The following ANO1 variants were observed in gnomAD, a reference collection of about 807,000 sequenced individuals.
ANO1 encodes anoctamin 1, also known as anoctamin-1.
ANO1 carries 59 observed loss-of-function variants against 124.0 expected under a neutral mutation model. The observed-to-expected ratio is 0.48, with a 90% CI of 0.39 to 0.59. The LOEUF (loss-of-function observed/expected upper bound fraction) is 0.59. Ranked by LOEUF, ANO1 falls within the 20% of genes least tolerant of loss-of-function variation. The probability of loss-of-function intolerance (pLI) is 0.00; values close to 1 mark genes in which losing one functional copy is unlikely to be tolerated. For synonymous variants in ANO1, 529 were observed against 532.0 expected, an observed-to-expected ratio of 0.99 and a Z score of 0.08; for missense variants, 1,059 against 1,328.0, an observed-to-expected ratio of 0.80 and a Z score of 3.15.
chr11:70,091,092 A>G (rs1169538183), intron 2 of ANO1, among the ~76,000 whole-genome samples: 1 of 152,200 alleles, frequency 6.6e-6, no homozygotes, highest in Non-Finnish European at 1.5e-5. Flanking sequence ...CTGCTTGGGC[A>G]CACGCAGCGT....
At chr11:70,023,646 A>T (rs550139952) in intron 1 of ANO1, among the ~76,000 whole-genome samples, 2 of 152,324 alleles carry the variant, frequency 1.3e-5, no homozygotes, top group Non-Finnish European at 2.9e-5. Context: ...TCATGCTCAC[A>T]CTGCAAGGCT....
chr11:70,072,018 T>C (rs183883848), intron 1 of ANO1, among the ~76,000 whole-genome samples: 9 of 152,330 alleles, frequency 5.9e-5, no homozygotes, highest in African/African-American at 1.9e-4. Flanking sequence ...ATTTTTACTC[T>C]TGTTAGCGTG....
intron 16 of ANO1, among the ~76,000 whole-genome samples, chr11:70,157,846 C>T (rs1213443734): frequency 2.6e-5 from 4 of 151,774 alleles, no homozygotes; most frequent in East Asian, 1.9e-4. Context: ...CTGGCGTGGT[C>T]GTGCGCGCCT....
chr11:70,069,504 C>T (rs143814346), intron 1 of ANO1, among the ~76,000 whole-genome samples: 16 of 152,332 alleles, frequency 1.1e-4, no homozygotes, highest in African/African-American at 3.8e-4. Context: ...CTGTTTAACA[C>T]AGAGGATCTG....
At chr11:70,130,252 T>A (rs2135516488) in intron 10 of ANO1, among the ~76,000 whole-genome samples, 1 of 152,276 alleles carries the variant, frequency 6.6e-6, no homozygotes, top group Non-Finnish European at 1.5e-5. Flanking sequence ...TTCTGACCCC[T>A]CCTCATTTTC....
chr11:70,160,219 A>G (rs1228559060), intron 16 of ANO1, among the ~76,000 whole-genome samples: 1 of 152,104 alleles, frequency 6.6e-6, no homozygotes, highest in Admixed American at 6.5e-5. Flanking sequence ...ACACAGGGTG[A>G]CAAGACAGCC....
At chr11:70,022,617 A>AG (rs1555002725) in intron 1 of ANO1, among the ~76,000 whole-genome samples, 1 of 151,348 alleles carries the variant, frequency 6.6e-6, no homozygotes, top group East Asian at 1.9e-4. Flanking sequence ...AAAAAAAAAA[A>AG]GAATGCAAGA....
chr11:70,109,469 T>A (rs1380351796), intron 6 of ANO1, among the ~76,000 whole-genome samples: 1 of 151,814 alleles, frequency 6.6e-6, no homozygotes, highest in Non-Finnish European at 1.5e-5. Flanking sequence ...GCAAGGGGAG[T>A]GTGGAGGAGT....
At chr11:70,149,907 T>C (rs1565251373) in intron 12 of ANO1, 115 bp downstream of exon 12, 8 of 1,211,846 alleles carry the variant, frequency 6.6e-6, no homozygotes, top group South Asian at 1.3e-5. Context: ...TGGTCCAAGC[T>C]GAGGCAAGGC....
chr11:70,033,896 A>G (rs1857050229), intron 1 of ANO1, among the ~76,000 whole-genome samples: 1 of 152,096 alleles, frequency 6.6e-6, no homozygotes, highest in East Asian at 1.9e-4. Flanking sequence ...CATCTTGAAC[A>G]TCTGCTGTCA....
intron 1 of ANO1, among the ~76,000 whole-genome samples, chr11:70,070,889 G>A (rs1857856457): frequency 1.3e-5 from 2 of 152,202 alleles, no homozygotes; most frequent in Admixed American, 6.5e-5. Context: ...TGGAACCCCT[G>A]CCCAGAACTG....
At chr11:70,029,777 G>A (rs1026599194) in intron 1 of ANO1, among the ~76,000 whole-genome samples, 3 of 152,280 alleles carry the variant, frequency 2.0e-5, no homozygotes, top group South Asian at 4.1e-4. Context: ...AGGCCCTGGG[G>A]CAGGGCCCTT....
the ANO1 span, among the ~76,000 whole-genome samples, chr11:69,969,644 G>C: frequency 2.5e-4 from 38 of 152,108 alleles, no homozygotes; most frequent in African/African-American, 8.5e-4. Flanking sequence ...AGGCAGTCTG[G>C]GAGCCTCAAG....
At chr11:70,186,687 G>A (rs778640856) in intron 25 of ANO1, among the ~76,000 whole-genome samples, 4 of 152,134 alleles carry the variant, frequency 2.6e-5, no homozygotes, top group South Asian at 4.1e-4. Flanking sequence ...TGTGGGCACC[G>A]CCAAGATTCT....
intron 1 of ANO1, among the ~76,000 whole-genome samples, chr11:70,003,739 C>G (rs1554999685): frequency 6.6e-6 from 1 of 152,052 alleles, no homozygotes; most frequent in Admixed American, 6.5e-5. Context: ...ACCACTTGAT[C>G]AAATCACTCC....
rs1287857780 is a variant in ANO1 at position 70,010,181 on chromosome 11, A to ATGTGTGTGTG, written c.58+24016_58+24017insGTGTGTGTGT. On this transcript the variant is annotated intron_variant, in intron 1 of 27. Coordinates refer to the ANO1 transcript ENST00000531349. ...TGTGTGTGTGCGCGTGTGTGTGTGT[A>ATGTGTGTGTG]TATATATATATATATATCACATTTT... 5.4e-4 allele frequency among the ~76,000 whole-genome samples: 28 copies of ATGTGTGTGTG among 51,670 alleles called. 1 individual carries two copies. Among genetic ancestry groups the ATGTGTGTGTG allele is most frequent in the South Asian group, 3.5e-3 (5 of 1,428 alleles). The allele number at this position is 51,670 out of a possible 152,430, so 33.9% of individuals were successfully genotyped here.
chr11:70,047,521 G>T (rs782479391), intron 1 of ANO1, among the ~76,000 whole-genome samples: 1 of 152,142 alleles, frequency 6.6e-6, no homozygotes, highest in African/African-American at 2.4e-5. Flanking sequence ...CTTCAATGGG[G>T]ATAGAGAACA....
At chr11:70,098,383 T>C (rs1053261051) in intron 2 of ANO1, among the ~76,000 whole-genome samples, 1 of 152,210 alleles carries the variant, frequency 6.6e-6, no homozygotes, top group Non-Finnish European at 1.5e-5. Context: ...CCATGGTTCC[T>C]GCCCGATATG....
chr11:70,126,174 C>G lies in ANO1; in HGVS notation c.1076C>G (p.Thr359Ser), dbSNP rs1039514594. 14 of 1,613,128 alleles carry G rather than the reference C, an allele frequency of 8.7e-6. No homozygotes were observed. Among genetic ancestry groups the G allele is most frequent in the Admixed American group, 1.7e-5 (1 of 59,948 alleles). Residue 359 changes from threonine (T) to serine (S), a missense_variant, in exon 10 of 26, where the codon ACC becomes AGC. Around this residue, in one of 2 missense-constraint regions of ANO1, gnomAD observed 809 missense variants for 1,094.9 expected, o/e 0.74. Transcript: ENST00000355303. ...ATTGTCTTCCTGTACGGATGCGCCA[C>G]CATGGATGAAAACATCCCCAGGTAG... Reference protein sequence around the residue: ...GIIVFLYGCATMDENIPSMEM... With the variant: ...GIIVFLYGCASMDENIPSMEM...
Sources: allele counts gnomAD v4.1 joint callset (sites outside exome capture counted in the v4.1 genomes callset), GRCh38; gene constraint gnomAD v4.1.1; regional missense constraint gnomAD v4.1.1; transcripts MANE v1.5; gene names NCBI Gene and HGNC (gene_info 2026-07-23, HGNC 2026-07-21).